The following SLC36A1 variants were observed in gnomAD, a reference collection of about 807,000 sequenced individuals.
SLC36A1 encodes the protein proton-coupled amino acid transporter 1.
SLC36A1 carries 30 observed loss-of-function variants against 47.5 expected under a neutral mutation model. The observed-to-expected ratio is 0.63, with a 90% CI of 0.47 to 0.86. The LOEUF is 0.86. SLC36A1 is among the 40% of genes least tolerant of loss of function. The pLI is 0.00. For synonymous variants in SLC36A1, 255 were observed against 249.7 expected (o/e 1.02, Z -0.20); for missense variants, 517 against 606.0 (o/e 0.85, Z 1.54).
chr5:151,507,687 G>T, the SLC36A1 span: 1 of 1,325,188 alleles, frequency 7.5e-7, no homozygotes, highest in Non-Finnish European at 1.0e-6. Flanking sequence ...AGATCTATGG[G>T]ATAGAGACTG....
the SLC36A1 span, among the ~76,000 whole-genome samples, chr5:151,397,951 T>C: frequency 6.6e-6 from 1 of 151,608 alleles, no homozygotes; most frequent in Non-Finnish European, 1.5e-5. Context: ...ACCCCATCCC[T>C]ACAAAATATT....
the SLC36A1 span, among the ~76,000 whole-genome samples, chr5:151,354,132 C>T: frequency 4.6e-4 from 70 of 152,184 alleles, no homozygotes; most frequent in East Asian, 4.3e-3. Flanking sequence ...GGTGAAACCC[C>T]GTCTCTACTC....
chr5:151,531,520 G>A, the SLC36A1 span: 3 of 1,592,162 alleles, frequency 1.9e-6, no homozygotes, highest in Non-Finnish European at 2.6e-6. The surrounding 1 kb of genome is among the most constrained non-coding windows in gnomAD (Gnocchi z 5.7). Flanking sequence ...CCCACACAGG[G>A]GAGGAACCCA....
chr5:151,428,125 C>G, the SLC36A1 span, among the ~76,000 whole-genome samples: 1 of 152,246 alleles, frequency 6.6e-6, no homozygotes, highest in South Asian at 2.1e-4. Context: ...TCTGGGAAGT[C>G]CAGCCTGGAA....
At chr5:151,534,288 C>G in the SLC36A1 span, 1 of 669,116 alleles carries the variant, frequency 1.5e-6, no homozygotes, top group Non-Finnish European at 2.5e-6. Context: ...TTTAAGTGTC[C>G]CCAGACTCAA....
upstream of SLC36A1, among the ~76,000 whole-genome samples, chr5:151,433,276 T>A (rs1229407444): frequency 1.4e-3 from 64 of 45,654 alleles, no homozygotes; most frequent in Admixed American, 2.2e-3. Context: ...ATTTTTTTTT[T>A]TTTTTTTTTT....
At chr5:151,408,149 A>AT in the SLC36A1 span, among the ~76,000 whole-genome samples, 1 of 151,964 alleles carries the variant, frequency 6.6e-6, no homozygotes, top group African/African-American at 2.4e-5. Flanking sequence ...CATTTATTGT[A>AT]TTTTTCTCAT....
At chr5:151,449,024 T>A (rs1245743759) in intron 1 of SLC36A1, among the ~76,000 whole-genome samples, 1 of 152,204 alleles carries the variant, frequency 6.6e-6, no homozygotes, top group Non-Finnish European at 1.5e-5. Context: ...AGTATTGCGA[T>A]TACAGGGGTG....
the SLC36A1 span, among the ~76,000 whole-genome samples, chr5:151,385,095 A>G: frequency 6.6e-6 from 1 of 151,868 alleles, no homozygotes; most frequent in African/African-American, 2.4e-5. Context: ...AAAGGCCTTC[A>G]TAAATACCTT....
At chr5:151,477,181 G>GTCCT (rs570012305) in intron 9 of SLC36A1, among the ~76,000 whole-genome samples, 116 of 152,286 alleles carry the variant, frequency 7.6e-4, no homozygotes, top group African/African-American at 2.7e-3. Context: ...ATTGTTGGGA[G>GTCCT]TCCTTTTGTA....
chr5:151,527,175 C>T, the SLC36A1 span: 3 of 1,523,714 alleles, frequency 2.0e-6, no homozygotes, highest in Admixed American at 1.9e-5. Context: ...GGGGCATCTT[C>T]TGCTAGAAGG....
At chr5:151,345,214 C>T in the SLC36A1 span, among the ~76,000 whole-genome samples, 1 of 152,172 alleles carries the variant, frequency 6.6e-6, no homozygotes. Flanking sequence ...ACACGTGCAA[C>T]TTTAGAAACC....
At chr5:151,502,072 G>A in the SLC36A1 span, among the ~76,000 whole-genome samples, 1 of 148,216 alleles carries the variant, frequency 6.7e-6, no homozygotes, top group Non-Finnish European at 1.5e-5. Context: ...AGCACTTTGG[G>A]ATGCGGAGGC....
At chr5:151,395,140 C>G in the SLC36A1 span, among the ~76,000 whole-genome samples, 1 of 152,218 alleles carries the variant, frequency 6.6e-6, no homozygotes, top group Non-Finnish European at 1.5e-5. Flanking sequence ...TGCCACCTTG[C>G]ACTTCGATCT....
the SLC36A1 span, chr5:151,540,810 A>G: frequency 1.3e-6 from 2 of 1,536,952 alleles, no homozygotes; most frequent in Non-Finnish European, 8.9e-7. Context: ...ATAGGAATGA[A>G]CTAGGCTTTG....
At chr5:151,505,634 C>CA in the SLC36A1 span, 1 of 1,614,058 alleles carries the variant, frequency 6.2e-7, no homozygotes, top group Non-Finnish European at 8.5e-7. Flanking sequence ...AGTTGGGGGG[C>CA]ACCCGGGGCT....
chr5:151,525,848 G>A, the SLC36A1 span: 3 of 1,613,936 alleles, frequency 1.9e-6, no homozygotes, highest in East Asian at 2.2e-5. Flanking sequence ...GGGGTCACTC[G>A]GAAGGCAGAG....
At chr5:151,422,684 C>T in the SLC36A1 span, among the ~76,000 whole-genome samples, 22 of 151,982 alleles carry the variant, frequency 1.4e-4, no homozygotes, top group Non-Finnish European at 2.8e-4. Context: ...GTTATGATCA[C>T]GCCACTACAC....
chr5:151,426,586 G>A, the SLC36A1 span, among the ~76,000 whole-genome samples: 1 of 152,138 alleles, frequency 6.6e-6, no homozygotes, highest in East Asian at 1.9e-4. Context: ...TCCTATCTCA[G>A]TAAATAGAAC....
Sources: gnomAD v4.1 joint callset for allele counts (sites outside exome capture counted in the v4.1 genomes callset) on GRCh38, gnomAD v4.1.1 for gene constraint, Gnocchi (gnomAD v3.1) non-coding constraint, MANE v1.5 for transcripts, NCBI Gene and HGNC (gene_info 2026-07-23, HGNC 2026-07-21) for gene names.